Variants in DYSF observed in about 807,000 individuals in gnomAD.
DYSF encodes the protein dysferlin.
A neutral mutation model predicts 274.9 loss-of-function variants in DYSF; 212 were observed. The ratio of observed to expected loss-of-function variants is 0.77; its 90% CI spans 0.69 to 0.86. The LOEUF (loss-of-function observed/expected upper bound fraction) is 0.86. DYSF is among the 40% of genes least tolerant of loss of function. DYSF has a pLI of 0.00. For missense variants in DYSF, 2,666 were observed against 2,783.2 expected (o/e 0.96, Z 0.95); for synonymous variants, 1,091 against 1,078.7 (o/e 1.01, Z -0.22).
intron 3 of DYSF, among the ~76,000 whole-genome samples, chr2:71,485,741 C>T (rs1318403669): frequency 6.6e-6 from 1 of 152,156 alleles, no homozygotes; most frequent in Non-Finnish European, 1.5e-5. Context: ...CAGGGAGTAA[C>T]AAGAATGAAC....
intron 3 of DYSF, among the ~76,000 whole-genome samples, chr2:71,501,710 T>G (rs564810409): frequency 1.3e-5 from 2 of 152,370 alleles, no homozygotes; most frequent in South Asian, 4.1e-4. Context: ...CCAAGGTCCA[T>G]CCATGTTGTA....
At chr2:71,553,753 T>TTCCCCCC in intron 20 of DYSF, 54 bp from the exon 21 acceptor site, 7 of 567,522 alleles carry the variant, frequency 1.2e-5, no homozygotes, top group South Asian at 4.8e-5. Context: ...TAGCACCCCA[T>TTCCCCCC]CCCACCCGCC....
intron 14 of DYSF, among the ~76,000 whole-genome samples, chr2:71,531,710 G>A (rs891336523): frequency 7.9e-5 from 12 of 151,980 alleles, no homozygotes; most frequent in African/African-American, 2.4e-4. Context: ...CCCAAATGTC[G>A]TGCTGAAGTG....
intron 21 of DYSF, among the ~76,000 whole-genome samples, chr2:71,554,288 G>T (rs2091186350): frequency 6.6e-6 from 1 of 152,224 alleles, no homozygotes; most frequent in Non-Finnish European, 1.5e-5. Flanking sequence ...AAGGGCTTGT[G>T]CTAGAAACTT....
chr2:71,592,246 G>A (rs1460718827), intron 32 of DYSF, among the ~76,000 whole-genome samples: 1 of 152,180 alleles, frequency 6.6e-6, no homozygotes, highest in Admixed American at 6.5e-5. Flanking sequence ...CCAGCACTGG[G>A]AGCCTATGCT....
intron 29 of DYSF, among the ~76,000 whole-genome samples, chr2:71,573,844 A>G (rs763734660): frequency 1.3e-5 from 2 of 150,304 alleles, no homozygotes; most frequent in Non-Finnish European, 3.0e-5. Context: ...TCCTTTTGAG[A>G]TGGAGTCTCA....
intron 36 of DYSF, among the ~76,000 whole-genome samples, chr2:71,607,318 G>A (rs1363472682): frequency 6.6e-6 from 1 of 152,192 alleles, no homozygotes; most frequent in Non-Finnish European, 1.5e-5. Flanking sequence ...AGAAGGGCAG[G>A]GGTTGCGTGT....
At chr2:71,472,563 C>T (rs531329008) in intron 1 of DYSF, among the ~76,000 whole-genome samples, 8 of 152,290 alleles carry the variant, frequency 5.3e-5, no homozygotes, top group South Asian at 4.1e-4. Flanking sequence ...TCCACCACCA[C>T]GCCAGGCTAA....
chr2:71,454,098 C>T (rs555711336), intron 1 of DYSF: 2 of 1,612,338 alleles, frequency 1.2e-6, no homozygotes, highest in South Asian at 2.2e-5. Flanking sequence ...TAGGAGGGGC[C>T]GACCACCCTC....
chr2:71,643,722 G>A (rs1176042419), intron 41 of DYSF, among the ~76,000 whole-genome samples: 1 of 152,146 alleles, frequency 6.6e-6, no homozygotes, highest in Non-Finnish European at 1.5e-5. Flanking sequence ...ACATGCTTGG[G>A]GGGCAGAGCC....
chr2:71,518,422 GT>G (rs573031688), intron 10 of DYSF, among the ~76,000 whole-genome samples: 147 of 136,050 alleles, frequency 1.1e-3, no homozygotes, highest in South Asian at 1.2e-3. Flanking sequence ...ACGCCTGGCA[GT>G]TTTTTTTTTT....
At chr2:71,600,461 AG>A (rs2093522011) in intron 33 of DYSF, among the ~76,000 whole-genome samples, 2 of 152,236 alleles carry the variant, frequency 1.3e-5, no homozygotes, top group Admixed American at 1.3e-4. Flanking sequence ...TGAACTGTCC[AG>A]AGGGACTTCC....
intron 45 of DYSF, among the ~76,000 whole-genome samples, chr2:71,662,643 G>GTGTA (rs889092846): frequency 1.3e-5 from 2 of 149,760 alleles, no homozygotes; most frequent in African/African-American, 4.9e-5. Flanking sequence ...TGTGTATTTT[G>GTGTA]TGTGTATGTG....
Position 71,659,017 on chromosome 2 carries a change from A to G in DYSF, c.4895A>G (p.Lys1632Arg). The G allele has an allele frequency of 6.2e-7, 1 of 1,614,212 alleles. No homozygotes were observed. Among genetic ancestry groups the G allele is most frequent in the Middle Eastern group, 1.6e-4 (1 of 6,062 alleles). The change falls in exon 44 of 56, where the codon AAG (lysine) becomes AGG (arginine). Residue 1632 changes from lysine (K) to arginine (R), a missense_variant. Physicochemically the swap from Lys to Arg is conservative, Grantham distance 26. This residue lies in a region of DYSF where 1,460 missense variants were observed against 1,502.1 expected (regional missense o/e 0.97). Coordinates refer to ENST00000410020, the MANE Select transcript of DYSF (RefSeq NM_001130987.2). ...GTCCGAGCATTTGGCCTGCAGCCCA[A>G]GGACCCCAATGGAAAGGTAACTTTC... The part of the protein sequence containing the change: ...YIVRAFGLQP[K>R]DPNGKCDPYI...
intron 36 of DYSF, among the ~76,000 whole-genome samples, chr2:71,604,530 C>T (rs1411681877): frequency 6.6e-6 from 1 of 152,068 alleles, no homozygotes; most frequent in Non-Finnish European, 1.5e-5. Context: ...AGTCAGGGGG[C>T]AGTGAGGGAA....
At chr2:71,477,258 G>A (rs192835585) in intron 1 of DYSF, among the ~76,000 whole-genome samples, 11 of 152,114 alleles carry the variant, frequency 7.2e-5, no homozygotes, top group East Asian at 5.8e-4. Context: ...GTGCAACATC[G>A]CATGTAGAGG....
intron 22 of DYSF, among the ~76,000 whole-genome samples, chr2:71,558,181 A>G (rs1559153605): frequency 6.6e-6 from 1 of 152,120 alleles, no homozygotes. Context: ...TGGGGTGAAT[A>G]TGGGAGCCAC....
At position 71,466,768 on chromosome 2, in the gene DYSF, T is replaced by G; in HGVS notation, c.-75T>G. ...GGCTGCCTGGGAGCCGGGCGCTTGCTGGGTGGGTGCTCGGGCCCGGTGCTC... is the reference window on the plus strand; with the variant it reads ...GGCTGCCTGGGAGCCGGGCGCTTGCGGGGTGGGTGCTCGGGCCCGGTGCTC... On this transcript the variant is annotated 5_prime_UTR_variant, in exon 1 of 56. Transcript: ENST00000410020. 7.0e-7 allele frequency: 1 copy of G among 1,420,512 alleles called. No homozygotes were observed. The highest frequency in any genetic ancestry group is 1.5e-5 in the South Asian group (1 of 68,066). The allele number at this position is 1,420,512 out of a possible 1,614,324, so 88.0% of individuals were successfully genotyped here.
chr2:71,613,286 C>A, intron 39 of DYSF, 48 bp from the exon 40 acceptor site: 2 of 1,566,974 alleles, frequency 1.3e-6, no homozygotes, highest in South Asian at 1.2e-5. Flanking sequence ...GAGGGGCGAG[C>A]CTTTTGAGAG....
Sources: gnomAD v4.1 joint callset for allele counts (sites outside exome capture counted in the v4.1 genomes callset) on GRCh38, gnomAD v4.1.1 for gene constraint, gnomAD v4.1.1 regional missense constraint, MANE v1.5 for transcripts, NCBI Gene and HGNC (gene_info 2026-07-23, HGNC 2026-07-21) for gene names.